Variants in PCDHGA8 observed in about 807,000 individuals in gnomAD.
The protein encoded by PCDHGA8 is protocadherin gamma-A8.
In PCDHGA8, 45 loss-of-function variants were observed where a neutral mutation model predicts 59.2. The ratio of observed to expected loss-of-function variants is 0.76; its 90% confidence interval spans 0.60 to 0.98. The LOEUF (loss-of-function observed/expected upper bound fraction) is 0.98. PCDHGA8 is among the 50% of genes least tolerant of loss of function. PCDHGA8 has a pLI of 0.00. For synonymous variants in PCDHGA8, 531 were observed against 519.0 expected (o/e 1.02, Z -0.32); for missense variants, 1,257 against 1,196.2 (o/e 1.05, Z -0.75).
At chr5:141,463,412 A>G (rs1397215687) in intron 1 of PCDHGA8, among the ~76,000 whole-genome samples, 9 of 127,856 alleles carry the variant, frequency 7.0e-5, no homozygotes, top group Non-Finnish European at 1.5e-4. Flanking sequence ...TGGAGATCCT[A>G]GTTTGCGGAT....
chr5:141,397,087 A>G (rs1386683594), intron 1 of PCDHGA8, among the ~76,000 whole-genome samples: 3 of 152,240 alleles, frequency 2.0e-5, no homozygotes, highest in African/African-American at 7.2e-5. Context: ...AAGTCATTTC[A>G]GATAGGATAA....
chr5:141,494,782 C>T, intron 1 of PCDHGA8, 25 bp from the exon 2 acceptor site: 1 of 1,614,110 alleles, frequency 6.2e-7, no homozygotes. Context: ...GGTACTCAGC[C>T]CCTTTCCCTC....
At chr5:141,420,811 CT>C (rs2096526727) in intron 1 of PCDHGA8, among the ~76,000 whole-genome samples, 1 of 152,214 alleles carries the variant, frequency 6.6e-6, no homozygotes, top group Admixed American at 6.5e-5. Flanking sequence ...TAAGCAAGCC[CT>C]TTTAATAATT....
chr5:141,418,527 G>A, intron 1 of PCDHGA8: 2 of 1,614,018 alleles, frequency 1.2e-6, no homozygotes, highest in South Asian at 1.1e-5. Flanking sequence ...CCTCCCCGAA[G>A]CGGTACTGCT....
At chr5:141,418,337 C>G (rs1308299122) in intron 1 of PCDHGA8, 1 of 1,613,972 alleles carries the variant, frequency 6.2e-7, no homozygotes, top group East Asian at 2.2e-5. Context: ...TGCAGAAGAT[C>G]CTGATATTAG....
chr5:141,457,701 G>A (rs1341216514), intron 1 of PCDHGA8, among the ~76,000 whole-genome samples: 1 of 152,222 alleles, frequency 6.6e-6, no homozygotes, highest in Admixed American at 6.5e-5. Context: ...TGGCTTTGAT[G>A]AAACACTGTT....
intron 2 of PCDHGA8, among the ~76,000 whole-genome samples, chr5:141,503,365 G>A (rs2099819492): frequency 6.6e-6 from 1 of 152,020 alleles, no homozygotes; most frequent in East Asian, 1.9e-4. Flanking sequence ...GGGAAGCGGA[G>A]GCAGGTGGAT....
rs1554136305 is a variant in PCDHGA8, at chr5:141,450,006, CT to C, written c.2425-44783del. Reference sequence around the variant, plus strand: ...CACATTGCATTTAGTTGCCATGTCTCTTTTTTTTTTTTTTTTTTGAGACAGG... The same window carrying C: ...CACATTGCATTTAGTTGCCATGTCTCTTTTTTTTTTTTTTTTTGAGACAGG... On this transcript the variant is annotated intron_variant, in intron 1 of 3. Coordinates refer to ENST00000398604, the MANE Select transcript of PCDHGA8 (RefSeq NM_032088.2). Among the ~76,000 whole-genome samples, 140 of 132,944 alleles carry C rather than the reference CT, an allele frequency of 1.1e-3. 2 individuals are homozygous for C. In the Middle Eastern group the frequency reaches 0.016, roughly 15 times the overall value. 87.2% of individuals were successfully genotyped at this position (132,944 alleles called of 152,430 possible). A position where few individuals can be genotyped will look rare whatever the true frequency, so the allele number is the denominator to read the frequency against.
At chr5:141,503,023 A>T (rs1163676028) in intron 2 of PCDHGA8, among the ~76,000 whole-genome samples, 1 of 141,884 alleles carries the variant, frequency 7.0e-6, no homozygotes, top group African/African-American at 2.6e-5. Context: ...TTTTTTTTTT[A>T]ATATCTATTT....
chr5:141,496,747 A>T (rs13188028), intron 2 of PCDHGA8, among the ~76,000 whole-genome samples: 1 of 152,124 alleles, frequency 6.6e-6, no homozygotes, highest in Non-Finnish European at 1.5e-5. Context: ...CATTTATTCA[A>T]CAAATATTTA....
At chr5:141,483,757 C>T (rs895694800) in intron 1 of PCDHGA8, among the ~76,000 whole-genome samples, 1 of 151,984 alleles carries the variant, frequency 6.6e-6, no homozygotes, top group Non-Finnish European at 1.5e-5. Flanking sequence ...AGGATCGAGG[C>T]TTGGAAAAAT....
At chr5:141,463,401 A>T (rs57406832) in intron 1 of PCDHGA8, among the ~76,000 whole-genome samples, 25,027 of 149,108 alleles carry the variant, frequency 0.17, 2,158 homozygotes, top group South Asian at 0.22. Context: ...GGCAAAAAAA[A>T]TGGAGATCCT....
chr5:141,414,864 G>A (rs766848727), intron 1 of PCDHGA8: 2 of 1,614,174 alleles, frequency 1.2e-6, no homozygotes, highest in South Asian at 2.2e-5. Context: ...ACGACAATGC[G>A]CCCGAGATCC....
At chr5:141,505,536 C>T (rs749205049) in intron 3 of PCDHGA8, 55 bp downstream of exon 3, 9 of 1,610,164 alleles carry the variant, frequency 5.6e-6, no homozygotes, top group Non-Finnish European at 7.6e-6. Context: ...TTCTGGGGTG[C>T]ATCTCACAGC....
At chr5:141,478,618 G>A (rs1374855853) in intron 1 of PCDHGA8, 1 of 1,556,056 alleles carries the variant, frequency 6.4e-7, no homozygotes, top group Non-Finnish European at 8.7e-7. Flanking sequence ...GGAAGGAATG[G>A]AGCTGTTTTT....
Position 141,394,802 on chromosome 5 carries a change from C to G in PCDHGA8, c.1989C>G (p.Ala663=), listed in dbSNP as rs773531449. ...CCGCCACTGTCACGCTCACCGTAGCCGTGGCTGACAGCATCCCCGAAGTCC... is the reference window on the plus strand; with the variant it reads ...CCGCCACTGTCACGCTCACCGTAGCGGTGGCTGACAGCATCCCCGAAGTCC... ...PLSATVTLTV[A]VADSIPEVLT... is the part of the protein sequence containing the mutation. Residue 663 remains alanine (A), a synonymous_variant, in exon 1 of 4, where the codon GCC becomes GCG. Transcript: ENST00000398604. 6.2e-7 allele frequency: 1 copy of G among 1,613,810 alleles called. No homozygotes were observed. Among genetic ancestry groups the G allele is most frequent in the South Asian group, 1.1e-5 (1 of 91,082 alleles).
intron 1 of PCDHGA8, chr5:141,423,753 G>GC (rs1489142243): frequency 4.8e-6 from 3 of 626,014 alleles, no homozygotes; most frequent in African/African-American, 5.1e-5. Context: ...AACTGTTTGG[G>GC]GGGGGGGTGG....
In PCDHGA8 at chr5:141,511,308, G is replaced by A. The variant is rs76613492; in HGVS notation, c.*135G>A. ...AGGGGCCAAGGCCATGCTCCCCTTG[G>A]GAAACAGAAACAAGTGCCCAGTCAG... is the stretch of plus-strand genomic sequence containing the variant. On this transcript the variant is annotated 3_prime_UTR_variant, in exon 4 of 4. Coordinates refer to ENST00000398604, the MANE Select transcript of PCDHGA8 (RefSeq NM_032088.2). 1.1e-3 allele frequency: 1,589 copies of A among 1,487,716 alleles called. 16 individuals carry two copies. In the African/African-American group the frequency reaches 0.021, roughly 19 times the overall value. The allele number at this position is 1,487,716 out of a possible 1,614,324, so 92.2% of individuals were successfully genotyped here.
rs541533867 is a variant in PCDHGA8 at position 141,415,164 on chromosome 5, G to T, written c.2424+19927G>T. 6.8e-6 allele frequency: 11 copies of T among 1,613,838 alleles called. No individual in the cohort carries two copies. The African/African-American group carries it at 1.3e-4, about 20-fold the overall frequency. Reference sequence around the variant, plus strand: ...AGCCCCCTCTCTCCGCCACTGTCACGCTCACCGTGGCCGTGGCCGACAGCA... The same window carrying T: ...AGCCCCCTCTCTCCGCCACTGTCACTCTCACCGTGGCCGTGGCCGACAGCA... On this transcript the variant is annotated intron_variant, in intron 1 of 3. Transcript: ENST00000398604.
Sources: allele counts gnomAD v4.1 joint callset (sites outside exome capture counted in the v4.1 genomes callset), GRCh38; gene constraint gnomAD v4.1.1; transcripts MANE v1.5; gene names NCBI Gene and HGNC (gene_info 2026-07-23, HGNC 2026-07-21).